The following DLG2 variants were observed in gnomAD, a reference collection of about 807,000 sequenced individuals.
DLG2 encodes the protein disks large homolog 2.
DLG2 carries 45 observed loss-of-function variants against 132.5 expected under a neutral mutation model. The ratio of observed to expected loss-of-function variants is 0.34; its 90% CI spans 0.27 to 0.44. The LOEUF (loss-of-function observed/expected upper bound fraction) is 0.44. Ranked by LOEUF, DLG2 falls within the 20% of genes least tolerant of loss-of-function variation. The pLI is 1.00. For missense variants in DLG2, 1,045 were observed against 1,196.9 expected, an observed-to-expected ratio of 0.87 and a Z score of 1.87; for synonymous variants, 424 against 419.6, an observed-to-expected ratio of 1.01 and a Z score of -0.13.
At chr11:85,217,954 C>T (rs2082729065) in intron 4 of DLG2, among the ~76,000 whole-genome samples, 1 of 152,072 alleles carries the variant, frequency 6.6e-6, no homozygotes, top group Non-Finnish European at 1.5e-5. Context: ...GGATTAATGT[C>T]TGTACATTGT....
At chr11:84,660,740 A>T (rs2099693648) in intron 6 of DLG2, among the ~76,000 whole-genome samples, 1 of 152,176 alleles carries the variant, frequency 6.6e-6, no homozygotes, top group Non-Finnish European at 1.5e-5. Context: ...ATATGAAGAG[A>T]TATATAAATA....
intron 4 of DLG2, among the ~76,000 whole-genome samples, chr11:85,161,068 T>C (rs368203790): frequency 2.2e-4 from 33 of 152,206 alleles, no homozygotes; most frequent in African/African-American, 7.0e-4. Context: ...GACTGGAAAA[T>C]TGGTGACAAA....
chr11:85,020,884 C>T, intron 6 of DLG2: 1 of 766,098 alleles, frequency 1.3e-6, no homozygotes, highest in East Asian at 2.5e-5. Context: ...CCCTCCTCAG[C>T]AGAGTCATGT....
chr11:84,671,275 A>AT (rs1385117573), intron 6 of DLG2, among the ~76,000 whole-genome samples: 1 of 151,514 alleles, frequency 6.6e-6, no homozygotes, highest in African/African-American at 2.4e-5. Context: ...ATTTTTTTAA[A>AT]TTTTTTTTGT....
chr11:85,549,300 T>G (rs1011927677), intron 3 of DLG2, among the ~76,000 whole-genome samples: 7 of 152,114 alleles, frequency 4.6e-5, no homozygotes, highest in Admixed American at 6.5e-5. Flanking sequence ...TCGCCCTCCT[T>G]GGGCTGCAAC....
chr11:85,300,317 G>C (rs150950168), intron 3 of DLG2, among the ~76,000 whole-genome samples: 1 of 152,146 alleles, frequency 6.6e-6, no homozygotes, highest in African/African-American at 2.4e-5. Context: ...TTGGTGTTAA[G>C]AGACTTTTCA....
chr11:84,387,200 T>C (rs1335758089), intron 7 of DLG2, among the ~76,000 whole-genome samples: 2 of 151,990 alleles, frequency 1.3e-5, no homozygotes, highest in South Asian at 2.1e-4. Context: ...CTAGAGTCCA[T>C]GCATTTACCT....
At chr11:85,330,639 A>C (rs1191005897) in intron 3 of DLG2, among the ~76,000 whole-genome samples, 1 of 85,118 alleles carries the variant, frequency 1.2e-5, no homozygotes, top group African/African-American at 4.6e-5. Flanking sequence ...GGGTCGGGGG[A>C]GGGGGGAGGG....
chr11:84,204,284 G>A (rs202098891), intron 8 of DLG2, among the ~76,000 whole-genome samples: 30 of 152,302 alleles, frequency 2.0e-4, no homozygotes, highest in East Asian at 1.2e-3. Context: ...AGCAAACAAC[G>A]TTTTGTGGGG....
intron 7 of DLG2, among the ~76,000 whole-genome samples, chr11:84,430,521 G>A (rs2098981238): frequency 6.6e-6 from 1 of 151,800 alleles, no homozygotes; most frequent in South Asian, 2.1e-4. Flanking sequence ...AGAATTAAAT[G>A]AGATGGTATG....
chr11:85,189,802 T>C (rs1400350865), intron 4 of DLG2, among the ~76,000 whole-genome samples: 1 of 143,042 alleles, frequency 7.0e-6, no homozygotes, highest in Non-Finnish European at 1.6e-5. Context: ...AATGAATGTA[T>C]TTTTTTTTTC....
intron 6 of DLG2, among the ~76,000 whole-genome samples, chr11:84,826,026 C>T (rs922732501): frequency 6.6e-5 from 10 of 151,692 alleles, no homozygotes; most frequent in African/African-American, 2.4e-4. Flanking sequence ...TTGTTTTTTG[C>T]TCCTCACCAT....
Position 84,085,080 on chromosome 11 carries a change from G to A in DLG2, c.749+13843C>T, listed in dbSNP as rs116079540. 4.0e-3 allele frequency among the ~76,000 whole-genome samples: 611 copies of A among 152,162 alleles called. 5 individuals carry two copies. The highest frequency in any genetic ancestry group is 0.014 in the African/African-American group (597 of 41,504). On this transcript the variant is annotated intron_variant, in intron 10 of 27. Coordinates refer to ENST00000376104, the MANE Select transcript of DLG2 (RefSeq NM_001142699.3). ...AGTAGCTCTAACATCTTTATGATTT[G>A]GTCATTTAATTGTTAAGCTAATTTG...
chr11:84,607,901 A>G (rs2099588567), intron 6 of DLG2, among the ~76,000 whole-genome samples: 2 of 152,114 alleles, frequency 1.3e-5, no homozygotes, highest in South Asian at 2.1e-4. Flanking sequence ...GTCCTCTGAG[A>G]TAAGAATAGT....
intron 6 of DLG2, among the ~76,000 whole-genome samples, chr11:84,804,498 T>A (rs980129647): frequency 5.9e-5 from 9 of 152,120 alleles, no homozygotes; most frequent in Non-Finnish European, 1.2e-4. Flanking sequence ...CTCTAAAAGT[T>A]GGAAGGAAGC....
At chr11:85,057,830 A>T (rs1173582099) in intron 6 of DLG2, among the ~76,000 whole-genome samples, 1 of 151,620 alleles carries the variant, frequency 6.6e-6, no homozygotes, top group Non-Finnish European at 1.5e-5. Context: ...CACCACATTA[A>T]GAGACAAAAA....
At chr11:85,259,498 T>G (rs2076833158) in intron 4 of DLG2, among the ~76,000 whole-genome samples, 1 of 152,088 alleles carries the variant, frequency 6.6e-6, no homozygotes, top group Non-Finnish European at 1.5e-5. Flanking sequence ...AATTCCACCA[T>G]GTCAGCCATG....
intron 6 of DLG2, among the ~76,000 whole-genome samples, chr11:84,591,929 T>G (rs181771069): frequency 5.5e-4 from 83 of 152,196 alleles, no homozygotes; most frequent in African/African-American, 2.0e-3. Context: ...TCTTGGCTAA[T>G]TGCAACCTCT....
intron 3 of DLG2, among the ~76,000 whole-genome samples, chr11:85,519,525 G>A (rs541752425): frequency 7.9e-5 from 12 of 152,170 alleles, no homozygotes; most frequent in Non-Finnish European, 1.3e-4. Flanking sequence ...TGTCTACAAA[G>A]TAACTAGCTT....
Sources: allele counts gnomAD v4.1 joint callset (sites outside exome capture counted in the v4.1 genomes callset), GRCh38; gene constraint gnomAD v4.1.1; transcripts MANE v1.5; gene names NCBI Gene and HGNC (gene_info 2026-07-23, HGNC 2026-07-21).